The following GAN variants were observed in gnomAD, a reference collection of about 807,000 sequenced individuals.
GAN encodes gigaxonin.
In GAN, 48 loss-of-function variants were observed where a neutral mutation model predicts 71.3. The observed-to-expected ratio is 0.67, with a 90% CI of 0.53 to 0.86. The LOEUF is 0.86. Among genes scored for constraint, GAN ranks in the 40% least tolerant of loss-of-function variants. The probability of loss-of-function intolerance (pLI) is 0.00; values close to 1 mark genes in which losing one functional copy is unlikely to be tolerated. For missense variants in GAN, 928 were observed against 770.1 expected, an observed-to-expected ratio of 1.21 and a Z score of -2.43; for synonymous variants, 386 against 276.8, an observed-to-expected ratio of 1.39 and a Z score of -3.92.
At chr16:81,346,663 C>G (rs932688330) in intron 1 of GAN, among the ~76,000 whole-genome samples, 1 of 152,132 alleles carries the variant, frequency 6.6e-6, no homozygotes, top group Admixed American at 6.6e-5. Context: ...GAAACCAGTC[C>G]CTGGTGCCAA....
chr16:81,336,963 T>C (rs1909784877), intron 1 of GAN, among the ~76,000 whole-genome samples: 2 of 152,102 alleles, frequency 1.3e-5, no homozygotes, highest in African/African-American at 2.4e-5. Context: ...AAGATTGTAG[T>C]TGACGTCAGG....
intron 9 of GAN, among the ~76,000 whole-genome samples, chr16:81,376,636 ATGTG>A (rs1567500985): frequency 8.6e-4 from 14 of 16,348 alleles, no homozygotes; most frequent in African/African-American, 5.3e-3. Context: ...ACATACATAT[ATGTG>A]TGTATATATG....
At position 81,377,618 on chromosome 16, in the gene GAN, G is replaced by C; in HGVS notation, c.*22G>C. On this transcript the variant is annotated 3_prime_UTR_variant, in exon 11 of 11. Transcript: ENST00000648994. ...TTGAGGAGGAAGCAGAGCAGAGTGCGAGATCCTGACCCAAGAGCACCATAA... is the reference window on the plus strand; with the variant it reads ...TTGAGGAGGAAGCAGAGCAGAGTGCCAGATCCTGACCCAAGAGCACCATAA... The C allele has an allele frequency of 6.2e-7, 1 of 1,607,304 alleles. No individual in the cohort carries two copies.
chr16:81,331,483 C>T (rs1909575361), intron 1 of GAN, among the ~76,000 whole-genome samples: 1 of 152,158 alleles, frequency 6.6e-6, no homozygotes, highest in African/African-American at 2.4e-5. Context: ...TGCAAAGGAA[C>T]TCAGTACAAT....
chr16:81,340,403 A>G (rs1022704739), intron 1 of GAN, among the ~76,000 whole-genome samples: 2 of 152,232 alleles, frequency 1.3e-5, no homozygotes, highest in Non-Finnish European at 2.9e-5. Context: ...TCACACAGGC[A>G]GGTGCCCCTC....
At chr16:81,358,549 C>A (rs1910567089) in intron 5 of GAN, among the ~76,000 whole-genome samples, 1 of 151,664 alleles carries the variant, frequency 6.6e-6, no homozygotes, top group South Asian at 2.1e-4. Context: ...ATCGAGACTG[C>A]TGTGAGCCAA....
chr16:81,358,013 T>G, intron 5 of GAN, 82 bp downstream of exon 5: 1 of 1,170,504 alleles, frequency 8.5e-7, no homozygotes, highest in South Asian at 1.2e-5. Flanking sequence ...ACTCAGAGCC[T>G]TTTAAAGATA....
chr16:81,331,609 G>T (rs1425264015), intron 1 of GAN, among the ~76,000 whole-genome samples: 1 of 152,166 alleles, frequency 6.6e-6, no homozygotes, highest in African/African-American at 2.4e-5. Flanking sequence ...AAGTTTGCTT[G>T]TGGGAAGTCC....
intron 1 of GAN, among the ~76,000 whole-genome samples, chr16:81,315,771 C>G (rs1296307078): frequency 6.6e-6 from 1 of 152,260 alleles, no homozygotes; most frequent in Admixed American, 6.5e-5. Context: ...GGGCCGGCGC[C>G]GCCAACCAGG....
chr16:81,337,461 C>G (rs1909801562), intron 1 of GAN, among the ~76,000 whole-genome samples: 3 of 152,330 alleles, frequency 2.0e-5, no homozygotes, highest in South Asian at 4.1e-4. Context: ...TTCTCTATCA[C>G]TGTTATGTCA....
intron 1 of GAN, among the ~76,000 whole-genome samples, chr16:81,319,206 T>TTTTATATATATATATA (rs61540131): frequency 1.4e-5 from 2 of 138,798 alleles, no homozygotes; most frequent in African/African-American, 5.4e-5. Context: ...TAGATATAGA[T>TTTTATATATATATATA]TATATATATA....
chr16:81,342,226 A>T lies in GAN; in HGVS notation c.168-9357A>T, dbSNP rs138609819. On this transcript the variant is annotated intron_variant, in intron 1 of 10. Coordinates refer to ENST00000648994, the MANE Select transcript of GAN (RefSeq NM_022041.4). ...ACTGTCAATATTAGACAGATGAATG[A>T]GACAGAAAATTAATAAGGGTATGCA... Among the ~76,000 whole-genome samples, 1,510 of 152,328 alleles carry T rather than the reference A, an allele frequency of 9.9e-3. 37 individuals carry two copies. The highest frequency in any genetic ancestry group is 0.067 in the East Asian group (345 of 5,180).
At chr16:81,371,800 C>G (rs1208934413) in intron 9 of GAN, 2 of 152,196 alleles carry the variant, frequency 1.3e-5, no homozygotes, top group African/African-American at 4.8e-5. Context: ...AGAAAGCTAC[C>G]AAGAAACAGG....
intron 2 of GAN, among the ~76,000 whole-genome samples, chr16:81,353,514 G>A (rs112803970): frequency 6.6e-6 from 1 of 152,134 alleles, no homozygotes; most frequent in African/African-American, 2.4e-5. Flanking sequence ...TTGTTGCTCA[G>A]TTTCTAAGAT....
chr16:81,332,629 T>C lies in GAN; in HGVS notation c.167+17349T>C, dbSNP rs543552722. On this transcript the variant is annotated intron_variant, in intron 1 of 10. Coordinates refer to ENST00000648994, the MANE Select transcript of GAN (RefSeq NM_022041.4). ...AGCTGATTCTGCCTTCCCTTGTACA[T>C]AGCACATGCCTGCTCCACAGTGCTT... Among the ~76,000 whole-genome samples the C allele has an allele frequency of 5.3e-5, 8 of 152,290 alleles. No individual in the cohort carries two copies. The East Asian group carries it at 1.5e-3, about 29-fold the overall frequency.
In GAN at chr16:81,354,477, A is replaced by G. The variant is rs141396595; in HGVS notation, c.355A>G (p.Thr119Ala). ...ADLLLLTDLK[T>A]LCCEFLEGCI... ...CCTGCTGCTACTGACGGACCTTAAA[A>G]CCCTGTGCTGTGAGTTTTTGGAAGG... The change falls in exon 3 of 11, where the codon ACC becomes GCC. Residue 119 changes from threonine to alanine, a missense_variant. Transcript: ENST00000648994. The G allele has an allele frequency of 2.5e-6, 4 of 1,613,946 alleles. No individual in the cohort carries two copies. The highest frequency in any genetic ancestry group is 3.4e-6 in the Non-Finnish European group (4 of 1,179,970).
Position 81,351,659 on chromosome 16 carries a change from G to C in GAN, c.244G>C (p.Val82Leu), listed in dbSNP as rs371054532. Residue 82 changes from valine to leucine, a missense_variant, in exon 2 of 11, where the codon GTT becomes CTT. Val to Leu is a conservative substitution (Grantham distance 32). Transcript: ENST00000648994. ...KIELEGISVM[V>L]MREILDYIFS... ...TGAACTTGAAGGGATATCGGTAATG[G>C]TTATGAGAGAGATCCTGGATTACAT... 10 of 1,550,016 alleles carry C rather than the reference G, an allele frequency of 6.5e-6. No homozygotes were observed. The highest frequency in any genetic ancestry group is 8.0e-6 in the Non-Finnish European group (9 of 1,121,622).
In GAN at chr16:81,377,634, A is replaced by T; in HGVS notation, c.*38A>T. 1 of 1,574,460 alleles carries T rather than the reference A, an allele frequency of 6.4e-7. No homozygotes were observed. Among genetic ancestry groups the T allele is most frequent in the East Asian group, 2.2e-5 (1 of 44,684 alleles). ...GCAGAGTGCGAGATCCTGACCCAAG[A>T]GCACCATAACATAGCTCCGAAAGGG... On this transcript the variant is annotated 3_prime_UTR_variant, in exon 11 of 11. Transcript: ENST00000648994.
At chr16:81,370,547 C>T (rs1433030377) in intron 9 of GAN, among the ~76,000 whole-genome samples, 2 of 152,238 alleles carry the variant, frequency 1.3e-5, no homozygotes, top group Non-Finnish European at 1.5e-5. Context: ...AGGAACAAAT[C>T]AGGAAGTATT....
Sources: allele counts gnomAD v4.1 joint callset (sites outside exome capture counted in the v4.1 genomes callset), GRCh38; gene constraint gnomAD v4.1.1; transcripts MANE v1.5; gene names NCBI Gene and HGNC (gene_info 2026-07-23, HGNC 2026-07-21).